RWDD1: variants seen among roughly 807,000 people sequenced by gnomAD.
The protein encoded by RWDD1 is RWD domain containing 1, also known as RWD domain-containing protein 1.
RWDD1 carries 17 observed loss-of-function variants against 31.6 expected under a neutral mutation model. The observed-to-expected ratio is 0.54, with a 90% CI of 0.37 to 0.81. The LOEUF (loss-of-function observed/expected upper bound fraction) is 0.81. Among genes scored for constraint, RWDD1 ranks in the 30% least tolerant of loss-of-function variants. The probability of loss-of-function intolerance (pLI) is 0.00; values close to 1 mark genes in which losing one functional copy is unlikely to be tolerated. For missense variants in RWDD1, 204 were observed against 274.5 expected, an observed-to-expected ratio of 0.74 and a Z score of 1.82; for synonymous variants, 78 against 94.2, an observed-to-expected ratio of 0.83 and a Z score of 0.99.
At chr6:116,587,680 G>GTA (rs1775069276) in intron 3 of RWDD1, among the ~76,000 whole-genome samples, 1 of 151,930 alleles carries the variant, frequency 6.6e-6, no homozygotes, top group Non-Finnish European at 1.5e-5. Context: ...GTATGTGTGT[G>GTA]TGTGTGTGTG....
chr6:116,587,017 T>C (rs1380349543), intron 3 of RWDD1, among the ~76,000 whole-genome samples: 2 of 152,206 alleles, frequency 1.3e-5, no homozygotes, highest in Non-Finnish European at 2.9e-5. Context: ...TTCCGAGTTA[T>C]CCAGTTTCCA....
intron 2 of RWDD1, 92 bp from the exon 3 acceptor site, chr6:116,584,635 A>G (rs920665362): frequency 4.6e-5 from 52 of 1,127,172 alleles, no homozygotes; most frequent in Non-Finnish European, 6.4e-5. Flanking sequence ...CTTTGTAGGA[A>G]AATCTATTGT....
chr6:116,586,493 G>A (rs188127734), intron 3 of RWDD1, among the ~76,000 whole-genome samples: 111 of 151,708 alleles, frequency 7.3e-4, no homozygotes, highest in Non-Finnish European at 9.7e-4. Context: ...ATTATGTTTG[G>A]TAATCATATA....
chr6:116,581,617 A>C (rs1332278155), intron 2 of RWDD1, among the ~76,000 whole-genome samples: 2 of 152,068 alleles, frequency 1.3e-5, no homozygotes. Flanking sequence ...GGCAAAGGGC[A>C]TTGATATACA....
intron 3 of RWDD1, among the ~76,000 whole-genome samples, chr6:116,585,817 C>A (rs2115332184): frequency 6.6e-6 from 1 of 152,002 alleles, no homozygotes; most frequent in South Asian, 2.1e-4. Context: ...TTTTTTGAGA[C>A]AGAGTCTTGC....
Position 116,595,987 on chromosome 6 carries a change from A to G in RWDD1, c.*2886A>G, listed in dbSNP as rs1775234370. On this transcript the variant is annotated 3_prime_UTR_variant, in exon 7 of 7. Transcript: ENST00000466444. ...GGACAAGTTCACTGATCGTACTGTC[A>G]TACTCCAGAGATACATGTGCCAAGA... 6.6e-6 allele frequency: 1 copy of G among 152,240 alleles called. No homozygotes were observed. Among genetic ancestry groups the G allele is most frequent in the Non-Finnish European group, 1.5e-5 (1 of 68,032 alleles). 9.4% of individuals were successfully genotyped at this position (152,240 alleles called of 1,614,324 possible).
At chr6:116,586,363 A>G (rs1019807584) in intron 3 of RWDD1, among the ~76,000 whole-genome samples, 2 of 152,008 alleles carry the variant, frequency 1.3e-5, no homozygotes, top group Admixed American at 1.3e-4. Context: ...CCTTATGGTT[A>G]TATACATAGT....
chr6:116,591,076 C>T, intron 6 of RWDD1, 126 bp downstream of exon 6: 1 of 1,184,266 alleles, frequency 8.4e-7, no homozygotes, highest in Non-Finnish European at 1.1e-6. Context: ...GACTGGGCAA[C>T]ATAGTGAGAC....
chr6:116,581,956 T>C (rs544533719), intron 2 of RWDD1, among the ~76,000 whole-genome samples: 1 of 152,038 alleles, frequency 6.6e-6, no homozygotes, highest in South Asian at 2.1e-4. Context: ...GGAAGTATGG[T>C]TGTATTGAAT....
chr6:116,571,620 A>T lies in RWDD1; in HGVS notation c.38A>T (p.Glu13Val). 1 of 1,613,704 alleles carries T rather than the reference A, an allele frequency of 6.2e-7. No individual in the cohort carries two copies. The highest frequency in any genetic ancestry group is 8.5e-7 in the Non-Finnish European group (1 of 1,179,906). Residue 13 changes from glutamate to valine, a missense_variant, in exon 1 of 7, where the codon GAG (glutamate) becomes GTG (valine). By Grantham distance (121) the Glu-to-Val change is moderately radical (BLOSUM62 -2). Coordinates refer to ENST00000466444, the MANE Select transcript of RWDD1 (RefSeq NM_015952.4). ...GGCGAGGAGCAGCGCAACGAGCTGG[A>T]GGCCCTGGAGTCCATCTACCCTGAC... is the stretch of plus-strand genomic sequence containing the variant. The part of the protein sequence containing the change: ...DYGEEQRNEL[E>V]ALESIYPDSF...
intron 6 of RWDD1, 116 bp from the exon 7 acceptor site, chr6:116,592,864 C>T (rs1436255570): frequency 4.4e-5 from 51 of 1,153,164 alleles, no homozygotes; most frequent in Non-Finnish European, 6.1e-5. Context: ...TTTCATCACT[C>T]CTACCTCATA....
chr6:116,572,163 GAA>G (rs11341558), intron 1 of RWDD1, among the ~76,000 whole-genome samples: 15 of 148,556 alleles, frequency 1.0e-4, no homozygotes, highest in South Asian at 4.3e-4. Flanking sequence ...CTTTTCTTAT[GAA>G]AAAAAAAAAA....
intron 1 of RWDD1, among the ~76,000 whole-genome samples, chr6:116,577,671 G>A (rs1035526548): frequency 6.6e-6 from 1 of 151,844 alleles, no homozygotes; most frequent in African/African-American, 2.4e-5. Context: ...CATTGCTGCC[G>A]ACCTAGTTCA....
At chr6:116,582,313 T>G (rs956114381) in intron 2 of RWDD1, among the ~76,000 whole-genome samples, 10 of 151,800 alleles carry the variant, frequency 6.6e-5, no homozygotes, top group African/African-American at 2.4e-4. Context: ...TATACCTGCA[T>G]GGTGAAAATC....
At chr6:116,584,649 A>C in intron 2 of RWDD1, 78 bp from the exon 3 acceptor site, 1 of 1,280,660 alleles carries the variant, frequency 7.8e-7, no homozygotes, top group Non-Finnish European at 1.1e-6. Flanking sequence ...CTATTGTGCT[A>C]CTTTCTACTG....
intron 6 of RWDD1, among the ~76,000 whole-genome samples, chr6:116,591,793 G>A (rs1428959578): frequency 6.6e-6 from 1 of 152,204 alleles, no homozygotes; most frequent in South Asian, 2.1e-4. Flanking sequence ...TTGCCAGTTG[G>A]GAATCCTTTA....
intron 1 of RWDD1, among the ~76,000 whole-genome samples, chr6:116,575,613 CTTATT>C (rs1333817687): frequency 1.3e-5 from 2 of 152,138 alleles, no homozygotes; most frequent in African/African-American, 2.4e-5. Flanking sequence ...TTAAAAAATA[CTTATT>C]TTAATAGGAT....
chr6:116,590,736 A>G (rs550905827), intron 5 of RWDD1, 152 bp from the exon 6 acceptor site: 1 of 1,275,204 alleles, frequency 7.8e-7, no homozygotes, highest in South Asian at 1.6e-5. Flanking sequence ...TAATGCAGAT[A>G]CATTTCATAT....
intron 3 of RWDD1, among the ~76,000 whole-genome samples, chr6:116,586,111 GT>G (rs1223338176): frequency 6.6e-6 from 1 of 152,152 alleles, no homozygotes; most frequent in Non-Finnish European, 1.5e-5. Flanking sequence ...CAAAAAGGCT[GT>G]TTTGATTTAT....
Sources: gnomAD v4.1 joint callset for allele counts (sites outside exome capture counted in the v4.1 genomes callset) on GRCh38, gnomAD v4.1.1 for gene constraint, MANE v1.5 for transcripts, NCBI Gene and HGNC (gene_info 2026-07-23, HGNC 2026-07-21) for gene names.